ACAT1: variants seen among roughly 807,000 people sequenced by gnomAD.
The protein encoded by ACAT1 is acetyl-CoA acetyltransferase 1, also known as acetyl-CoA acetyltransferase, mitochondrial.
ACAT1 carries 28 observed loss-of-function variants against 47.3 expected under a neutral mutation model. That is an observed-to-expected ratio of 0.59 (90% CI 0.44 to 0.81). The LOEUF (loss-of-function observed/expected upper bound fraction) is 0.81. Ranked by LOEUF, ACAT1 falls within the 30% of genes least tolerant of loss-of-function variation. The pLI is 0.00. For missense variants in ACAT1, 469 were observed against 524.3 expected (o/e 0.89, Z 1.03); for synonymous variants, 181 against 173.6 (o/e 1.04, Z -0.34).
intron 2 of ACAT1, among the ~76,000 whole-genome samples, chr11:108,132,853 CAAAAAAAAAAAAAAA>C (rs57501370): frequency 2.1e-5 from 1 of 47,894 alleles, no homozygotes; most frequent in Admixed American, 3.9e-4. Context: ...AACTCCATCT[CAAAAAAAAAAAAAAA>C]AAAAAAAAAA....
At chr11:108,134,013 AT>A in intron 3 of ACAT1, 76 bp downstream of exon 3, 1 of 1,374,832 alleles carries the variant, frequency 7.3e-7, no homozygotes, top group Non-Finnish European at 1.0e-6. Context: ...TGCATTAACT[AT>A]GTATGTAACA....
In ACAT1 at chr11:108,147,435, C is replaced by T. The variant is rs1470970507; in HGVS notation, c.*45C>T. The T allele has an allele frequency of 2.7e-5, 43 of 1,591,892 alleles. No homozygotes were observed. Among genetic ancestry groups the T allele is most frequent in the Non-Finnish European group, 3.5e-5 (41 of 1,164,010 alleles). ...GAGACAACCCTATGTGACCAGAAGGCCTGCTGTAATCAGTGTGACTACTGT... is the reference window on the plus strand; with the variant it reads ...GAGACAACCCTATGTGACCAGAAGGTCTGCTGTAATCAGTGTGACTACTGT... On this transcript the variant is annotated 3_prime_UTR_variant, in exon 12 of 12. Coordinates refer to ENST00000265838, the MANE Select transcript of ACAT1 (RefSeq NM_000019.4).
At position 108,147,253 on chromosome 11, in the gene ACAT1, T is replaced by C. The variant is rs1474682648; in HGVS notation, c.1164-17T>C. The C allele has an allele frequency of 1.1e-5, 17 of 1,613,308 alleles. No individual in the cohort carries two copies. In the East Asian group the frequency reaches 3.6e-4, roughly 34 times the overall value. ...TTCTGTACTTCATTAAAGAAGTAAA[T>C]GCTTTCTTAATTTTAGGATGTCTGG... On this transcript the variant is annotated splice_polypyrimidine_tract_variant and intron_variant, in intron 11 of 11. Transcript: ENST00000265838.
Position 108,141,633 on chromosome 11 carries a change from TGAA to T in ACAT1, c.763_765del (p.Glu255del), listed in dbSNP as rs751053463. The T allele has an allele frequency of 2.5e-6, 4 of 1,613,420 alleles. No homozygotes were observed. Among genetic ancestry groups the T allele is most frequent in the Non-Finnish European group, 3.4e-6 (4 of 1,179,778 alleles). ...AACCAGATGTAGTGGTGAAAGAAGA[TGAA>T]GAATATAAACGTGTTGATTTTAGCA... On this transcript the variant is annotated inframe_deletion, in exon 8 of 12. Transcript: ENST00000265838.
chr11:108,130,220 A>G (rs1009365774), intron 1 of ACAT1, among the ~76,000 whole-genome samples: 1 of 151,954 alleles, frequency 6.6e-6, no homozygotes, highest in Non-Finnish European at 1.5e-5. Flanking sequence ...TCTGGGTCCT[A>G]GCTTGGGTGA....
chr11:108,141,527 C>T, intron 7 of ACAT1, 78 bp from the exon 8 acceptor site: 1 of 1,030,058 alleles, frequency 9.7e-7, no homozygotes, highest in South Asian at 1.3e-5. Flanking sequence ...GCACAGACTA[C>T]TAGGCATCTT....
chr11:108,117,809 CCTG>C (rs1436747891), upstream of ACAT1, among the ~76,000 whole-genome samples: 1 of 152,126 alleles, frequency 6.6e-6, no homozygotes, highest in East Asian at 1.9e-4. Flanking sequence ...CCACTAGTTT[CCTG>C]CTGTGAAAAT....
chr11:108,121,479 GC>G, upstream of ACAT1: 1 of 1,100,304 alleles, frequency 9.1e-7, no homozygotes, highest in Non-Finnish European at 1.3e-6. Context: ...GCCAATCGCC[GC>G]CGACTGAGAG....
chr11:108,121,802 G>C (rs2077155518), intron 1 of ACAT1, 124 bp downstream of exon 1: 2 of 1,083,114 alleles, frequency 1.8e-6, no homozygotes, highest in Admixed American at 4.5e-5. Flanking sequence ...CCCCAGGACA[G>C]TCACGCGACG....
upstream of ACAT1, among the ~76,000 whole-genome samples, chr11:108,120,179 C>T (rs557456028): frequency 7.9e-4 from 119 of 151,540 alleles, no homozygotes; most frequent in Non-Finnish European, 1.4e-3. Context: ...GTGACAAGTG[C>T]GAGACTGTCT....
Position 108,129,876 on chromosome 11 carries a change from G to A in ACAT1, c.73-2031G>A, listed in dbSNP as rs2077324714. 2.6e-5 allele frequency among the ~76,000 whole-genome samples: 4 copies of A among 152,102 alleles called. No homozygotes were observed. In the South Asian group the frequency reaches 8.3e-4, roughly 32 times the overall value. On this transcript the variant is annotated intron_variant, in intron 1 of 11. Coordinates refer to ENST00000265838, the MANE Select transcript of ACAT1 (RefSeq NM_000019.4). ...GTGTGCCTGTAGTCGCAGATACTTGGGAGGCTGAGGCAGGAGGATTGCTTG... is the reference window on the plus strand; with the variant it reads ...GTGTGCCTGTAGTCGCAGATACTTGAGAGGCTGAGGCAGGAGGATTGCTTG...
intron 1 of ACAT1, 67 bp from the exon 2 acceptor site, chr11:108,131,840 T>C (rs2077366061): frequency 1.3e-6 from 1 of 758,822 alleles, no homozygotes; most frequent in South Asian, 2.7e-5. Flanking sequence ...ACCTTATCAC[T>C]GAGAAATATA....
upstream of ACAT1, chr11:108,121,271 A>C (rs1369057699): frequency 4.4e-6 from 2 of 454,140 alleles, no homozygotes; most frequent in East Asian, 4.4e-5. Flanking sequence ...AAACATGCTC[A>C]GTAAATCGAA....
intron 4 of ACAT1, among the ~76,000 whole-genome samples, chr11:108,134,716 C>T (rs546957655): frequency 6.8e-6 from 1 of 147,582 alleles, no homozygotes; most frequent in South Asian, 2.1e-4. Flanking sequence ...GAGGCCGAGG[C>T]GGGTGGATCA....
chr11:108,147,181 T>G (rs1591375592), intron 11 of ACAT1, 89 bp from the exon 12 acceptor site: 114 of 1,496,510 alleles, frequency 7.6e-5, no homozygotes, highest in Admixed American at 7.5e-5. Flanking sequence ...GCTAGTAAGG[T>G]TTTCAAGAAG....
upstream of ACAT1, chr11:108,121,542 G>C: frequency 1.3e-6 from 2 of 1,511,736 alleles, no homozygotes; most frequent in Admixed American, 2.0e-5. Context: ...GCCGCTAGGG[G>C]TGCGGGGTTG....
intron 9 of ACAT1, chr11:108,143,667 G>A: frequency 4.2e-6 from 1 of 240,038 alleles, no homozygotes. Flanking sequence ...ACTGTTCTAT[G>A]CATTGTAGAT....
chr11:108,143,935 T>TGA, intron 9 of ACAT1, 48 bp from the exon 10 acceptor site: 7 of 789,114 alleles, frequency 8.9e-6, no homozygotes, highest in Non-Finnish European at 1.2e-5. Context: ...TTCTATACAG[T>TGA]AAAAAAAAAA....
Position 108,133,871 on chromosome 11 carries a change from A to T in ACAT1, c.172A>T (p.Ser58Cys). Residue 58 changes from serine (S) to cysteine (C), a missense_variant, in exon 3 of 12, where the codon AGC (serine) becomes TGC (cysteine). Transcript: ENST00000265838. The stretch of plus-strand genomic sequence containing the variant: ...AACACCCATTGGATCTTTTTTAGGC[A>T]GCCTTTCCTTGCTGCCAGCCACTAA... ...TRTPIGSFLG[S>C]LSLLPATKLG... 1 of 1,614,136 alleles carries T rather than the reference A, an allele frequency of 6.2e-7. No individual in the cohort carries two copies. Among genetic ancestry groups the T allele is most frequent in the Non-Finnish European group, 8.5e-7 (1 of 1,180,020 alleles).
Sources: gnomAD v4.1 joint callset for allele counts (sites outside exome capture counted in the v4.1 genomes callset) on GRCh38, gnomAD v4.1.1 for gene constraint, MANE v1.5 for transcripts, NCBI Gene and HGNC (gene_info 2026-07-23, HGNC 2026-07-21) for gene names.